TRPV2: variants seen among roughly 807,000 people sequenced by gnomAD.
TRPV2 encodes transient receptor potential cation channel subfamily V member 2, also known as OTRPC2.
Under a neutral mutation model 91.0 loss-of-function variants are expected in TRPV2, and 58 were observed. The ratio of observed to expected loss-of-function variants is 0.64; its 90% CI spans 0.52 to 0.79. The LOEUF (loss-of-function observed/expected upper bound fraction) is 0.79. Ranked by LOEUF, TRPV2 falls within the 30% of genes least tolerant of loss-of-function variation. The pLI, the probability that TRPV2 is intolerant of heterozygous loss-of-function variation, is 0.00. For missense variants in TRPV2, 807 were observed against 969.6 expected (o/e 0.83, Z 2.23); for synonymous variants, 417 against 414.8 (o/e 1.01, Z -0.06).
In TRPV2 at chr17:16,415,658, C is replaced by A. The variant is rs77272400; in HGVS notation, c.-283C>A. 1 of 152,210 alleles carries A rather than the reference C, an allele frequency of 6.6e-6. No individual in the cohort carries two copies. The highest frequency in any genetic ancestry group is 6.5e-5 in the Admixed American group (1 of 15,282). 9.4% of individuals were successfully genotyped at this position (152,210 alleles called of 1,614,324 possible). A position where few individuals can be genotyped will look rare whatever the true frequency, so the allele number is the denominator to read the frequency against. ...GCTGGCCAGGTGGGCTGAGGGTGAC[C>A]GAGAGACCAGAACCTGCTTGCTGGA... On this transcript the variant is annotated 5_prime_UTR_variant, in exon 1 of 15. Transcript: ENST00000338560. This position sits in a 1 kb window ranked among gnomAD's most constrained non-coding sequence, Gnocchi z 4.5.
At chr17:16,428,489 G>A in intron 9 of TRPV2, 102 bp downstream of exon 9, 1 of 1,280,018 alleles carries the variant, frequency 7.8e-7, no homozygotes. Flanking sequence ...GAGGACACGG[G>A]GCCCAGGAAG....
rs1171816624 is a variant in TRPV2, at chr17:16,434,984, G to A, written c.2194+15G>A. 1.2e-6 allele frequency: 2 copies of A among 1,605,566 alleles called. No individual in the cohort carries two copies. The highest frequency in any genetic ancestry group is 1.7e-6 in the Non-Finnish European group (2 of 1,175,820). On this transcript the variant is annotated intron_variant, in intron 14 of 14. Coordinates refer to ENST00000338560, the MANE Select transcript of TRPV2 (RefSeq NM_016113.5). ...AGGTGTCCCTCGTGAGTAGCCTGGTGACTAGAGCCTCTGCCCTGGGGTGTG... is the reference window on the plus strand; with the variant it reads ...AGGTGTCCCTCGTGAGTAGCCTGGTAACTAGAGCCTCTGCCCTGGGGTGTG...
chr17:16,422,732 C>T lies in TRPV2; in HGVS notation c.468C>T (p.Cys156=), dbSNP rs1283433051. The stretch of plus-strand genomic sequence containing the variant: ...CTCAGCCCCTGGTAAATGCCCAGTG[C>T]ACAGATGACTATTACCGAGGCCACA... ...GNPQPLVNAQ[C]TDDYYRGHSA... is the part of the protein sequence containing the mutation. Residue 156 remains cysteine, a synonymous_variant, in exon 4 of 15, where the codon TGC becomes TGT. Transcript: ENST00000338560. 1.3e-6 allele frequency: 2 copies of T among 1,597,860 alleles called. No homozygotes were observed. Among genetic ancestry groups the T allele is most frequent in the African/African-American group, 2.7e-5 (2 of 74,470 alleles).
Position 16,424,392 on chromosome 17 carries a change from C to T in TRPV2, c.924+625C>T, listed in dbSNP as rs1456652455. Among the ~76,000 whole-genome samples the T allele has an allele frequency of 2.6e-5, 4 of 151,962 alleles. No homozygotes were observed. The East Asian group carries it at 7.7e-4, about 29-fold the overall frequency. On this transcript the variant is annotated intron_variant, in intron 5 of 14. Transcript: ENST00000338560. ...GGTCAGGCTGGTCTTGAACTCCTGA[C>T]CTCGTGATCCACCCGCTTCGGCCTC...
At chr17:16,432,399 TG>T in intron 12 of TRPV2, 99 bp downstream of exon 12, 1 of 1,089,994 alleles carries the variant, frequency 9.2e-7, no homozygotes, top group South Asian at 1.6e-5. Context: ...AGCCAGGAGA[TG>T]CCGGGTTGGG....
At chr17:16,417,461 C>T (rs182102614) in intron 1 of TRPV2, 101 bp from the exon 2 acceptor site, 54 of 520,132 alleles carry the variant, frequency 1.0e-4, no homozygotes, top group African/African-American at 6.9e-4. Flanking sequence ...TCAGGCTGGT[C>T]TCTAACAGCT....
Position 16,431,291 on chromosome 17 carries a change from ATTTTTTTTT to A in TRPV2, c.1588-481_1588-473del, listed in dbSNP as rs1167449708. On this transcript the variant is annotated intron_variant, in intron 10 of 14. Transcript: ENST00000338560. ...TATATATATATATATATATATACATATTTTTTTTTTTTTTTTTTTTGAGACGAAGTCTCA... is the reference window on the plus strand; with the variant it reads ...TATATATATATATATATATATACATATTTTTTTTTTTGAGACGAAGTCTCA... Among the ~76,000 whole-genome samples, 272 of 67,380 alleles carry A rather than the reference ATTTTTTTTT, an allele frequency of 4.0e-3. 11 individuals are homozygous for A. In the East Asian group the frequency reaches 0.072, roughly 18 times the overall value. 44.2% of individuals were successfully genotyped at this position (67,380 alleles called of 152,430 possible). A position where few individuals can be genotyped will look rare whatever the true frequency, so the allele number is the denominator to read the frequency against.
chr17:16,427,649 C>A, intron 8 of TRPV2, 102 bp downstream of exon 8: 2 of 1,133,946 alleles, frequency 1.8e-6, no homozygotes, highest in Non-Finnish European at 2.5e-6. Flanking sequence ...AATACCCAGT[C>A]CCACCCAGAG....
At chr17:16,424,441 C>T (rs559195181) in intron 5 of TRPV2, among the ~76,000 whole-genome samples, 21 of 151,414 alleles carry the variant, frequency 1.4e-4, no homozygotes, top group African/African-American at 4.9e-4. Flanking sequence ...ATTACAGGCA[C>T]GCGCCACTGC....
Position 16,433,610 on chromosome 17 carries a change from T to G in TRPV2, c.2026T>G (p.Trp676Gly), listed in dbSNP as rs1329244438. ...TGTCCTGGAGATGGAGAATGGCTAT[T>G]GGTGGTGCAGGAAGAAGCAGCGGGC... ...ISVLEMENGYWWCRKKQRAGV... is the reference protein window; with the variant it reads ...ISVLEMENGYGWCRKKQRAGV... The change falls in exon 13 of 15, where the codon TGG (tryptophan) becomes GGG (glycine). Residue 676 changes from tryptophan (W) to glycine (G), a missense_variant. Coordinates refer to ENST00000338560, the MANE Select transcript of TRPV2 (RefSeq NM_016113.5). The G allele has an allele frequency of 6.2e-7, 1 of 1,614,166 alleles. No homozygotes were observed. The highest frequency in any genetic ancestry group is 2.2e-5 in the East Asian group (1 of 44,884).
At chr17:16,432,810 T>C (rs571445345) in intron 12 of TRPV2, among the ~76,000 whole-genome samples, 1 of 151,652 alleles carries the variant, frequency 6.6e-6, no homozygotes, top group South Asian at 2.1e-4. Flanking sequence ...TGTTTCTTTT[T>C]TTTTTTTTTT....
chr17:16,436,328 A>G (rs1033901461), intron 14 of TRPV2, among the ~76,000 whole-genome samples: 5 of 152,102 alleles, frequency 3.3e-5, no homozygotes, highest in Non-Finnish European at 7.4e-5. Context: ...TCAGGGCCCA[A>G]AGCTGTCTAA....
chr17:16,426,790 C>T lies in TRPV2; in HGVS notation c.1164C>T (p.Ile388=). ...KLLQAKWDLL[I]PKFFLNFLCN... ...TGCAGGCGAAATGGGATCTGCTCAT[C>T]CCCAAGTTCTTCTTAAACTTCCTGT... is the stretch of plus-strand genomic sequence containing the variant. The change falls in exon 7 of 15, where the codon ATC becomes ATT. Residue 388 remains isoleucine (I), a synonymous_variant. Transcript: ENST00000338560. This position sits in a 1 kb window ranked among gnomAD's most constrained non-coding sequence, Gnocchi z 6.0. The T allele has an allele frequency of 6.2e-7, 1 of 1,614,120 alleles. No individual in the cohort carries two copies.
intron 4 of TRPV2, 100 bp downstream of exon 4, chr17:16,422,989 GT>G: frequency 7.1e-7 from 1 of 1,402,394 alleles, no homozygotes; most frequent in Non-Finnish European, 9.5e-7. Flanking sequence ...TTAAACCTAG[GT>G]TTTTCTGACC....
intron 2 of TRPV2, 24 bp downstream of exon 2, chr17:16,417,892 G>A: frequency 6.2e-7 from 1 of 1,607,778 alleles, no homozygotes; most frequent in Non-Finnish European, 8.5e-7. Context: ...TGGGGGCAGG[G>A]CAAAGGGGGC....
At chr17:16,421,474 TA>T (rs1210590931) in intron 3 of TRPV2, among the ~76,000 whole-genome samples, 1 of 150,546 alleles carries the variant, frequency 6.6e-6, no homozygotes, top group African/African-American at 2.4e-5. Context: ...CGCCTTGGCC[TA>T]CCAAAAATGC....
At chr17:16,419,548 C>G (rs2093346729) in intron 2 of TRPV2, 16 of 391,490 alleles carry the variant, frequency 4.1e-5, no homozygotes, top group South Asian at 3.0e-4. Flanking sequence ...ACATGACCTC[C>G]TTGTTTATCT....
At chr17:16,420,030 C>A in intron 2 of TRPV2, 85 bp from the exon 3 acceptor site, 2 of 1,559,920 alleles carry the variant, frequency 1.3e-6, no homozygotes, top group South Asian at 1.2e-5. Context: ...TACAGGACTC[C>A]CTGAAAGGGC....
At position 16,434,971 on chromosome 17, in the gene TRPV2, T is replaced by C. The variant is rs1342305486; in HGVS notation, c.2194+2T>C. The C allele has an allele frequency of 2.5e-6, 4 of 1,608,450 alleles. No individual in the cohort carries two copies. The stretch of plus-strand genomic sequence containing the variant: ...ACCCGTCAGGGGCAGGTGTCCCTCG[T>C]GAGTAGCCTGGTGACTAGAGCCTCT... On this transcript the variant is annotated splice_donor_variant, in intron 14 of 14. Transcript: ENST00000338560. LOFTEE classifies it high-confidence loss of function.
Sources: allele counts gnomAD v4.1 joint callset (sites outside exome capture counted in the v4.1 genomes callset), GRCh38; gene constraint gnomAD v4.1.1; non-coding constraint Gnocchi (gnomAD v3.1); transcripts MANE v1.5; gene names NCBI Gene and HGNC (gene_info 2026-07-23, HGNC 2026-07-21).